The following PCDHA2 variants were observed in gnomAD, a reference collection of about 807,000 sequenced individuals.
PCDHA2 encodes the protein protocadherin alpha-2.
In PCDHA2, 58 loss-of-function variants were observed where a neutral mutation model predicts 66.0. The ratio of observed to expected loss-of-function variants is 0.88; its 90% CI spans 0.71 to 1.09. PCDHA2 has a LOEUF of 1.09. Ranked by LOEUF, PCDHA2 falls within the 50% of genes least tolerant of loss-of-function variation. The pLI, the probability that PCDHA2 is intolerant of heterozygous loss-of-function variation, is 0.00. For missense variants in PCDHA2, 1,267 were observed against 1,242.3 expected, an observed-to-expected ratio of 1.02 and a Z score of -0.30; for synonymous variants, 634 against 554.0, an observed-to-expected ratio of 1.14 and a Z score of -2.03.
chr5:140,924,064 G>A (rs1584331926), intron 1 of PCDHA2, among the ~76,000 whole-genome samples: 1 of 152,172 alleles, frequency 6.6e-6, no homozygotes. Context: ...CTTTACAGTT[G>A]TATTTCATCT....
chr5:140,882,485 G>C, intron 1 of PCDHA2: 3 of 1,614,106 alleles, frequency 1.9e-6, no homozygotes, highest in Non-Finnish European at 2.5e-6. Flanking sequence ...AAGACACGGG[G>C]ACCTTCTGGA....
intron 1 of PCDHA2, chr5:140,822,747 A>C: frequency 6.2e-7 from 1 of 1,613,832 alleles, no homozygotes. Flanking sequence ...CCATGGATAA[A>C]AGTACATTCC....
At chr5:140,876,768 G>A (rs2056572417) in intron 1 of PCDHA2, 3 of 1,614,212 alleles carry the variant, frequency 1.9e-6, no homozygotes, top group Non-Finnish European at 2.5e-6. Flanking sequence ...ATGGGGGCTC[G>A]CCTTCGCTGT....
At chr5:140,850,410 G>T (rs369126896) in intron 1 of PCDHA2, 1 of 1,597,934 alleles carries the variant, frequency 6.3e-7, no homozygotes, top group Middle Eastern at 1.7e-4. Flanking sequence ...TGCCCTGGAC[G>T]AAACGGACGC....
chr5:140,968,932 A>G, intron 1 of PCDHA2: 3 of 1,614,164 alleles, frequency 1.9e-6, no homozygotes, highest in Non-Finnish European at 2.5e-6. Flanking sequence ...TTCTTTTGAC[A>G]ATCATCATTT....
At chr5:140,886,123 G>A (rs868933605) in intron 1 of PCDHA2, among the ~76,000 whole-genome samples, 53 of 152,236 alleles carry the variant, frequency 3.5e-4, no homozygotes, top group African/African-American at 1.2e-3. Flanking sequence ...ACATAGTTCC[G>A]TAACAACCAG....
intron 1 of PCDHA2, among the ~76,000 whole-genome samples, chr5:140,895,474 C>T (rs947771616): frequency 2.1e-4 from 32 of 152,154 alleles, no homozygotes; most frequent in African/African-American, 7.0e-4. Flanking sequence ...TTATCCTCTT[C>T]GGAGAAATAC....
chr5:140,925,108 G>GGAAGGAAGGAAGGAAGGAAGGAA (rs1554202548), intron 1 of PCDHA2, among the ~76,000 whole-genome samples: 19 of 124,700 alleles, frequency 1.5e-4, no homozygotes, highest in Middle Eastern at 4.0e-3. Context: ...GAAGGAAGGA[G>GGAAGGAAGGAAGGAAGGAAGGAA]GGAAGGAAGG....
At chr5:140,872,215 A>T (rs931630004) in intron 1 of PCDHA2, among the ~76,000 whole-genome samples, 2 of 152,188 alleles carry the variant, frequency 1.3e-5, no homozygotes, top group Non-Finnish European at 2.9e-5. Flanking sequence ...ATTATATATG[A>T]AACAATCTTT....
intron 1 of PCDHA2, chr5:140,852,235 C>A: frequency 1.8e-6 from 1 of 570,324 alleles, no homozygotes; most frequent in Non-Finnish European, 2.3e-6. Flanking sequence ...TAAATTTTCC[C>A]TTAAAACACA....
intron 1 of PCDHA2, among the ~76,000 whole-genome samples, chr5:140,952,427 C>T (rs2094744253): frequency 6.6e-6 from 1 of 152,162 alleles, no homozygotes; most frequent in African/African-American, 2.4e-5. Flanking sequence ...CAGATTCCTA[C>T]AGCACAGGCA....
chr5:140,967,391 C>T, intron 1 of PCDHA2: 1 of 1,609,676 alleles, frequency 6.2e-7, no homozygotes, highest in South Asian at 1.1e-5. Flanking sequence ...AGTGCTTGAG[C>T]TGGTGCTGCG....
At chr5:141,001,253 C>T (rs896546841) in intron 3 of PCDHA2, among the ~76,000 whole-genome samples, 22 of 152,078 alleles carry the variant, frequency 1.4e-4, no homozygotes, top group African/African-American at 5.1e-4. Flanking sequence ...CCCTATGGGG[C>T]GGGCACTCTT....
chr5:140,969,385 C>T, intron 1 of PCDHA2: 1 of 1,598,120 alleles, frequency 6.3e-7, no homozygotes, highest in Non-Finnish European at 8.5e-7. Flanking sequence ...TTACACATCC[C>T]CCAATATCCT....
chr5:140,830,014 C>T (rs2150179616), intron 1 of PCDHA2: 3 of 1,613,898 alleles, frequency 1.9e-6, no homozygotes, highest in Non-Finnish European at 2.5e-6. Flanking sequence ...ACGAAGCGGA[C>T]TCTCCGCGCC....
At chr5:140,991,298 A>G (rs555776023) in intron 3 of PCDHA2, among the ~76,000 whole-genome samples, 1 of 152,288 alleles carries the variant, frequency 6.6e-6, no homozygotes, top group Non-Finnish European at 1.5e-5. Context: ...ACACATTACT[A>G]TTATCTTGTC....
At chr5:140,875,835 G>A in intron 1 of PCDHA2, 1 of 1,614,196 alleles carries the variant, frequency 6.2e-7, no homozygotes, top group East Asian at 2.2e-5. Context: ...ATGTGGACGT[G>A]GAGGTGAAGG....
chr5:140,992,017 C>CTGTGTGTG (rs10602499), intron 3 of PCDHA2, among the ~76,000 whole-genome samples: 149 of 145,626 alleles, frequency 1.0e-3, no homozygotes, highest in African/African-American at 2.4e-3. Flanking sequence ...AGAGGTGGCT[C>CTGTGTGTG]TGTGTGTGTG....
intron 1 of PCDHA2, chr5:140,857,244 C>A: frequency 6.3e-7 from 1 of 1,598,592 alleles, no homozygotes; most frequent in Admixed American, 1.7e-5. Flanking sequence ...CTGGTGTCCA[C>A]CTACAAGAAT....
Sources: gnomAD v4.1 joint callset for allele counts (sites outside exome capture counted in the v4.1 genomes callset) on GRCh38, gnomAD v4.1.1 for gene constraint, MANE v1.5 for transcripts, NCBI Gene and HGNC (gene_info 2026-07-23, HGNC 2026-07-21) for gene names.